Variants in MRTFA observed in about 807,000 individuals in gnomAD.
MRTFA encodes the protein myocardin-related transcription factor A.
A neutral mutation model predicts 83.5 loss-of-function variants in MRTFA; 20 were observed. The ratio of observed to expected loss-of-function variants is 0.24; its 90% CI spans 0.17 to 0.35. MRTFA has a LOEUF of 0.35. MRTFA is among the 10% of genes least tolerant of loss of function. The pLI, the probability that MRTFA is intolerant of heterozygous loss-of-function variation, is 1.00. For missense variants in MRTFA, 1,200 were observed against 1,224.7 expected, an observed-to-expected ratio of 0.98 and a Z score of 0.30; for synonymous variants, 659 against 541.2, an observed-to-expected ratio of 1.22 and a Z score of -3.02.
At chr22:40,448,951 G>A (rs773816990) in intron 4 of MRTFA, among the ~76,000 whole-genome samples, 6 of 152,164 alleles carry the variant, frequency 3.9e-5, no homozygotes, top group East Asian at 1.9e-4. Flanking sequence ...ATGCAAAAGC[G>A]TCAGCTGTCT....
rs2052740426 is a variant in MRTFA, at chr22:40,418,512, C to T, written c.2226G>A (p.Leu742=). The T allele has an allele frequency of 6.3e-7, 1 of 1,595,962 alleles. No homozygotes were observed. The highest frequency in any genetic ancestry group is 2.2e-5 in the East Asian group (1 of 44,806). The change falls in exon 12 of 15, where the codon CTG becomes CTA. Residue 742 remains leucine, a synonymous_variant. Transcript: ENST00000355630. ...TGATGAGGCTGGGGCCCTGAGGCCC[C>T]AGAAGCAACTGGGGGGCGGGGACCG...
intron 3 of MRTFA, among the ~76,000 whole-genome samples, chr22:40,499,305 T>C (rs924466387): frequency 2.0e-5 from 3 of 152,200 alleles, no homozygotes; most frequent in Non-Finnish European, 2.9e-5. Context: ...GGATTCCTTG[T>C]TCTGATTCTC....
At chr22:40,479,954 T>G (rs748028279) in intron 3 of MRTFA, among the ~76,000 whole-genome samples, 13 of 152,128 alleles carry the variant, frequency 8.5e-5, no homozygotes, top group Non-Finnish European at 1.6e-4. Flanking sequence ...CCAGGTAACT[T>G]TCAAAGAATA....
chr22:40,533,185 GA>G lies in MRTFA; in HGVS notation c.241+18920del, dbSNP rs571427232. ...ACCACAAACAAGAAAGAACAGCTAAGAAAAAAAATTTAAAGATGCTTTCATA... is the reference window on the plus strand; with the variant it reads ...ACCACAAACAAGAAAGAACAGCTAAGAAAAAAATTTAAAGATGCTTTCATA... On this transcript the variant is annotated intron_variant, in intron 3 of 14. Coordinates refer to ENST00000355630, the MANE Select transcript of MRTFA (RefSeq NM_020831.6). 1.9e-4 allele frequency among the ~76,000 whole-genome samples: 29 copies of G among 151,854 alleles called. No individual in the cohort carries two copies. The South Asian group carries it at 5.4e-3, about 28-fold the overall frequency.
At chr22:40,547,727 C>T (rs1463266285) in intron 3 of MRTFA, among the ~76,000 whole-genome samples, 2 of 151,868 alleles carry the variant, frequency 1.3e-5, no homozygotes, top group African/African-American at 4.8e-5. Context: ...TGGTGGCGTA[C>T]GCCTGTAATC....
intron 1 of MRTFA, among the ~76,000 whole-genome samples, chr22:40,598,536 A>G (rs1330410191): frequency 6.6e-6 from 1 of 152,174 alleles, no homozygotes; most frequent in Non-Finnish European, 1.5e-5. Flanking sequence ...AATGAGCCAG[A>G]ATCTGATTAC....
intron 4 of MRTFA, among the ~76,000 whole-genome samples, chr22:40,443,268 A>T (rs950194667): frequency 6.6e-6 from 1 of 152,038 alleles, no homozygotes; most frequent in East Asian, 1.9e-4. Context: ...ACAAAAACAA[A>T]AACAAACAAA....
At chr22:40,561,609 C>G (rs1569329112) in intron 2 of MRTFA, among the ~76,000 whole-genome samples, 2 of 151,988 alleles carry the variant, frequency 1.3e-5, no homozygotes, top group Non-Finnish European at 1.5e-5. Flanking sequence ...TTAAAAACTA[C>G]CAGGCTTTAG....
chr22:40,602,928 G>C (rs1166811310), intron 1 of MRTFA, among the ~76,000 whole-genome samples: 1 of 152,148 alleles, frequency 6.6e-6, no homozygotes, highest in Non-Finnish European at 1.5e-5. Flanking sequence ...TCACAAGAAA[G>C]CACAGTTCTA....
At chr22:40,496,686 C>A (rs2054360794) in intron 3 of MRTFA, among the ~76,000 whole-genome samples, 2 of 146,370 alleles carry the variant, frequency 1.4e-5, no homozygotes, top group South Asian at 2.2e-4. Flanking sequence ...TATATATGCA[C>A]AGGAGAGAGT....
At chr22:40,472,897 G>A (rs1483004723) in intron 3 of MRTFA, among the ~76,000 whole-genome samples, 1 of 152,110 alleles carries the variant, frequency 6.6e-6, no homozygotes, top group East Asian at 1.9e-4. Flanking sequence ...GCTAAAAATT[G>A]TTAATTTGTT....
chr22:40,599,064 G>A (rs549304954), intron 1 of MRTFA, among the ~76,000 whole-genome samples: 3 of 151,378 alleles, frequency 2.0e-5, no homozygotes, highest in African/African-American at 4.8e-5. Context: ...TTGGGGGGCC[G>A]GGGCGGGCTG....
Position 40,410,800 on chromosome 22 carries a change from T to A in MRTFA, c.*590A>T, listed in dbSNP as rs1260607539. On this transcript the variant is annotated 3_prime_UTR_variant, in exon 15 of 15. Coordinates refer to ENST00000355630, the MANE Select transcript of MRTFA (RefSeq NM_020831.6). ...CCGCCCCCCCCCAAAAATATATATG[T>A]ATGTCGATATATAATATAGAGGTAT... is the stretch of plus-strand genomic sequence containing the variant. 1 of 232,320 alleles carries A rather than the reference T, an allele frequency of 4.3e-6. No homozygotes were observed. Among genetic ancestry groups the A allele is most frequent in the East Asian group, 6.1e-5 (1 of 16,516 alleles). The allele number at this position is 232,320 out of a possible 1,614,324, so 14.4% of individuals were successfully genotyped here.
At chr22:40,586,890 GC>G (rs1202489776) in intron 2 of MRTFA, 31 of 206,638 alleles carry the variant, frequency 1.5e-4, no homozygotes, top group Non-Finnish European at 3.2e-4. Context: ...CTCTAGTGCT[GC>G]TGGTGCTGCT....
chr22:40,447,744 GTACT>G (rs1453208519), intron 4 of MRTFA, among the ~76,000 whole-genome samples: 2 of 152,178 alleles, frequency 1.3e-5, no homozygotes, highest in Non-Finnish European at 2.9e-5. Flanking sequence ...CAGCTTCTCA[GTACT>G]TACTATTTTC....
chr22:40,472,978 C>T lies in MRTFA; in HGVS notation c.242-9692G>A, dbSNP rs548596334. 4.1e-4 allele frequency among the ~76,000 whole-genome samples: 63 copies of T among 152,214 alleles called. 2 individuals are homozygous for T. The highest frequency in any genetic ancestry group is 4.1e-4 in the South Asian group (2 of 4,826). On this transcript the variant is annotated intron_variant, in intron 3 of 14. Coordinates refer to ENST00000355630, the MANE Select transcript of MRTFA (RefSeq NM_020831.6). ...TTCCATAAAATGTATTTGTAGACTA[C>T]CACTAAAGGTTTGTCAAGGGGAAGA...
chr22:40,467,063 T>C (rs1442697270), intron 3 of MRTFA, among the ~76,000 whole-genome samples: 1 of 152,146 alleles, frequency 6.6e-6, no homozygotes, highest in Non-Finnish European at 1.5e-5. Flanking sequence ...TAAAACTGAA[T>C]GAAATTAAAG....
chr22:40,630,031 G>C (rs1419622021), intron 1 of MRTFA, among the ~76,000 whole-genome samples: 2 of 151,916 alleles, frequency 1.3e-5, no homozygotes, highest in Non-Finnish European at 2.9e-5. Flanking sequence ...GTACAGGACT[G>C]GCCAAGCACG....
intron 4 of MRTFA, among the ~76,000 whole-genome samples, chr22:40,444,741 G>A (rs769978903): frequency 1.3e-5 from 2 of 151,936 alleles, no homozygotes; most frequent in Non-Finnish European, 2.9e-5. Context: ...GGGCAGGGGA[G>A]TTGCTTCTGA....
Sources: gnomAD v4.1 joint callset for allele counts (sites outside exome capture counted in the v4.1 genomes callset) on GRCh38, gnomAD v4.1.1 for gene constraint, MANE v1.5 for transcripts, NCBI Gene and HGNC (gene_info 2026-07-23, HGNC 2026-07-21) for gene names.